JAKMIP2: variants seen among roughly 807,000 people sequenced by gnomAD.
The protein encoded by JAKMIP2 is janus kinase and microtubule-interacting protein 2.
JAKMIP2 carries 25 observed loss-of-function variants against 115.0 expected under a neutral mutation model. The ratio of observed to expected loss-of-function variants is 0.22; its 90% CI spans 0.16 to 0.30. The LOEUF (loss-of-function observed/expected upper bound fraction) is 0.30. Among genes scored for constraint, JAKMIP2 ranks in the 10% least tolerant of loss-of-function variants. The probability of loss-of-function intolerance (pLI) is 1.00; values close to 1 mark genes in which losing one functional copy is unlikely to be tolerated. For missense variants in JAKMIP2, 642 were observed against 957.6 expected (o/e 0.67, Z 4.35); for synonymous variants, 334 against 343.6 (o/e 0.97, Z 0.31).
intron 20 of JAKMIP2, among the ~76,000 whole-genome samples, chr5:147,602,756 C>A (rs1192686277): frequency 1.3e-5 from 2 of 152,294 alleles, no homozygotes; most frequent in East Asian, 3.9e-4. Flanking sequence ...ACTTGATTAT[C>A]ACACTCCAGG....
chr5:147,756,859 G>T (rs1476115661), intron 1 of JAKMIP2, among the ~76,000 whole-genome samples: 1 of 152,154 alleles, frequency 6.6e-6, no homozygotes, highest in Non-Finnish European at 1.5e-5. Flanking sequence ...GTAAAGAACA[G>T]AGGACATGAA....
At chr5:147,612,217 G>A in intron 20 of JAKMIP2, 89 bp downstream of exon 20, 1 of 906,218 alleles carries the variant, frequency 1.1e-6, no homozygotes, top group South Asian at 1.3e-5. Flanking sequence ...CACAATAACT[G>A]AGAAGCCAGG....
chr5:147,742,414 T>G (rs1754184279), intron 1 of JAKMIP2, among the ~76,000 whole-genome samples: 2 of 152,066 alleles, frequency 1.3e-5, no homozygotes, highest in African/African-American at 4.8e-5. Flanking sequence ...CATTCCTACC[T>G]TCCTACATAA....
At chr5:147,629,649 G>A in intron 15 of JAKMIP2, 44 bp downstream of exon 15, 1 of 1,456,664 alleles carries the variant, frequency 6.9e-7, no homozygotes, top group Non-Finnish European at 9.6e-7. Context: ...TCTTGCCTCT[G>A]TTTAGGCAAA....
intron 1 of JAKMIP2, among the ~76,000 whole-genome samples, chr5:147,703,397 G>A (rs1265122199): frequency 6.6e-6 from 1 of 151,998 alleles, no homozygotes; most frequent in Non-Finnish European, 1.5e-5. Flanking sequence ...GAAAATAAAT[G>A]GTACACCTGT....
intron 1 of JAKMIP2, 151 bp downstream of exon 1, chr5:147,782,305 T>C (rs1755789774): frequency 2.7e-6 from 2 of 750,690 alleles, no homozygotes; most frequent in Admixed American, 2.3e-5. Flanking sequence ...CTGGCAAGCT[T>C]CCTCTCCCTC....
intron 1 of JAKMIP2, among the ~76,000 whole-genome samples, chr5:147,710,686 C>T (rs1460169957): frequency 6.6e-6 from 1 of 152,164 alleles, no homozygotes; most frequent in East Asian, 1.9e-4. Flanking sequence ...AGTTTTACCC[C>T]TCAATACCAA....
At chr5:147,620,836 T>C (rs751545762) in intron 17 of JAKMIP2, 93 bp from the exon 18 acceptor site, 1 of 908,030 alleles carries the variant, frequency 1.1e-6, no homozygotes, top group Non-Finnish European at 1.8e-6. Context: ...AATTCTACCA[T>C]AAGACAAATC....
chr5:147,781,723 T>A (rs1389150010), intron 1 of JAKMIP2, among the ~76,000 whole-genome samples: 1 of 152,170 alleles, frequency 6.6e-6, no homozygotes, highest in Non-Finnish European at 1.5e-5. Context: ...ACCAGAAGCA[T>A]AGTTTCAAAA....
chr5:147,713,734 A>G (rs1276054799), intron 1 of JAKMIP2, among the ~76,000 whole-genome samples: 1 of 152,208 alleles, frequency 6.6e-6, no homozygotes, highest in Non-Finnish European at 1.5e-5. Context: ...TTGCTGATCC[A>G]GGAGAAATGG....
chr5:147,661,074 G>A lies in JAKMIP2; in HGVS notation c.501C>T (p.Asp167=), dbSNP rs557158499. The change falls in exon 3 of 22, where the codon GAC becomes GAT. Residue 167 remains aspartate (D), a synonymous_variant. Transcript: ENST00000616793. Reference sequence around the variant, plus strand: ...CTTGGATCATATTGCTCAGAGCCTCGTCCACCTGCTTCTTGGCCGTTTTCA... The same window carrying A: ...CTTGGATCATATTGCTCAGAGCCTCATCCACCTGCTTCTTGGCCGTTTTCA... The part of the protein sequence containing the change: ...ADLKTAKKQV[D]EALSNMIQAD... 1.2e-6 allele frequency: 2 copies of A among 1,613,894 alleles called. No individual in the cohort carries two copies. Among genetic ancestry groups the A allele is most frequent in the Non-Finnish European group, 1.7e-6 (2 of 1,180,004 alleles).
intron 16 of JAKMIP2, among the ~76,000 whole-genome samples, chr5:147,627,795 A>G (rs1360071943): frequency 6.6e-6 from 1 of 151,848 alleles, no homozygotes; most frequent in Non-Finnish European, 1.5e-5. Flanking sequence ...CCAGTTGTCA[A>G]CAAAATGTCC....
At chr5:147,637,317 C>T (rs9686196) in intron 10 of JAKMIP2, among the ~76,000 whole-genome samples, 33,149 of 151,666 alleles carry the variant, frequency 0.22, 4,572 homozygotes, top group East Asian at 0.59. Flanking sequence ...GCCAAACCCT[C>T]ACCTGCTGGC....
chr5:147,610,850 G>C (rs769404791), intron 20 of JAKMIP2, among the ~76,000 whole-genome samples: 1 of 152,230 alleles, frequency 6.6e-6, no homozygotes, highest in African/African-American at 2.4e-5. Context: ...CCCTGAATGG[G>C]GCTGCTGCCT....
At chr5:147,706,249 C>A (rs1196324532) in intron 1 of JAKMIP2, among the ~76,000 whole-genome samples, 1 of 152,092 alleles carries the variant, frequency 6.6e-6, no homozygotes, top group Admixed American at 6.6e-5. Flanking sequence ...TTCACTGATT[C>A]AAGAGAGGAT....
chr5:147,660,802 A>C lies in JAKMIP2; in HGVS notation c.627+146T>G, dbSNP rs1164142209. ...GATTGATCTACCTACCTACATACTGATCTATCTTGGATAGAGCACTGGACA... is the reference window on the plus strand; with the variant it reads ...GATTGATCTACCTACCTACATACTGCTCTATCTTGGATAGAGCACTGGACA... On this transcript the variant is annotated intron_variant, in intron 3 of 21. Coordinates refer to ENST00000616793, the MANE Select transcript of JAKMIP2 (RefSeq NM_001270941.2). 6.0e-6 allele frequency: 5 copies of C among 835,134 alleles called. No homozygotes were observed. In the South Asian group the frequency reaches 8.7e-5, roughly 14 times the overall value. The allele number at this position is 835,134 out of a possible 1,614,324, so 51.7% of individuals were successfully genotyped here.
intron 20 of JAKMIP2, among the ~76,000 whole-genome samples, chr5:147,611,661 C>CT (rs1463929783): frequency 1.3e-5 from 2 of 152,140 alleles, no homozygotes; most frequent in Admixed American, 6.5e-5. Context: ...CAGGCTTTGG[C>CT]TTTTTTTGTT....
intron 21 of JAKMIP2, among the ~76,000 whole-genome samples, chr5:147,593,361 C>T (rs1234789125): frequency 6.6e-6 from 1 of 152,218 alleles, no homozygotes; most frequent in Non-Finnish European, 1.5e-5. Context: ...CTTTGGTCAC[C>T]TCTCATAGAA....
At chr5:147,674,676 G>T (rs1759831786) in intron 1 of JAKMIP2, among the ~76,000 whole-genome samples, 1 of 152,150 alleles carries the variant, frequency 6.6e-6, no homozygotes, top group Non-Finnish European at 1.5e-5. Flanking sequence ...TGGACGAAGG[G>T]CTTAACATAC....
Sources: allele counts gnomAD v4.1 joint callset (sites outside exome capture counted in the v4.1 genomes callset), GRCh38; gene constraint gnomAD v4.1.1; transcripts MANE v1.5; gene names NCBI Gene and HGNC (gene_info 2026-07-23, HGNC 2026-07-21).